Variants in TTLL5 observed in about 807,000 individuals in gnomAD.
TTLL5 encodes the protein tubulin tyrosine ligase like 5.
In TTLL5, 132 loss-of-function variants were observed where a neutral mutation model predicts 168.4. The observed-to-expected ratio is 0.78, with a 90% confidence interval of 0.68 to 0.91. The LOEUF (loss-of-function observed/expected upper bound fraction) is 0.91. Ranked by LOEUF, TTLL5 falls within the 40% of genes least tolerant of loss-of-function variation. The pLI is 0.00. For missense variants in TTLL5, 1,545 were observed against 1,581.5 expected (o/e 0.98, Z 0.39); for synonymous variants, 546 against 558.6 (o/e 0.98, Z 0.32).
chr14:75,753,706 G>A (rs1179746724), intron 18 of TTLL5, among the ~76,000 whole-genome samples: 2 of 152,102 alleles, frequency 1.3e-5, no homozygotes, highest in African/African-American at 4.8e-5. Context: ...TGGTAATTAC[G>A]ATTGATTAAT....
chr14:75,874,557 A>G (rs971413929), intron 29 of TTLL5, among the ~76,000 whole-genome samples: 1 of 152,244 alleles, frequency 6.6e-6, no homozygotes, highest in Non-Finnish European at 1.5e-5. Context: ...CAAAGGAATG[A>G]TAAGTAAATT....
chr14:75,854,815 A>G (rs980488020), intron 28 of TTLL5, among the ~76,000 whole-genome samples: 1 of 152,144 alleles, frequency 6.6e-6, no homozygotes, highest in Non-Finnish European at 1.5e-5. Flanking sequence ...GACTGTTCCA[A>G]TCTTTTACAT....
intron 28 of TTLL5, among the ~76,000 whole-genome samples, chr14:75,830,754 C>A (rs549931710): frequency 6.6e-6 from 1 of 152,198 alleles, no homozygotes; most frequent in East Asian, 1.9e-4. Flanking sequence ...TATTGTATCC[C>A]AGTGCCTTGG....
intron 6 of TTLL5, among the ~76,000 whole-genome samples, chr14:75,695,149 C>T (rs1885748133): frequency 6.6e-6 from 1 of 152,086 alleles, no homozygotes; most frequent in African/African-American, 2.4e-5. Context: ...AAGGAACAGC[C>T]CTGAGAAAGA....
chr14:75,841,547 G>C (rs1157393168), intron 28 of TTLL5, among the ~76,000 whole-genome samples: 3 of 152,066 alleles, frequency 2.0e-5, no homozygotes, highest in Non-Finnish European at 2.9e-5. Flanking sequence ...TGATTCCCTT[G>C]ATAATTTTCC....
At chr14:75,742,691 A>T (rs1889348331) in intron 15 of TTLL5, among the ~76,000 whole-genome samples, 1 of 152,174 alleles carries the variant, frequency 6.6e-6, no homozygotes, top group Non-Finnish European at 1.5e-5. Context: ...CCACCACACC[A>T]GGCTTTGCCA....
At chr14:75,937,283 ATT>A (rs59787253) in intron 31 of TTLL5, among the ~76,000 whole-genome samples, 12 of 140,010 alleles carry the variant, frequency 8.6e-5, no homozygotes, top group Non-Finnish European at 9.4e-5. Context: ...CGTCCAGCTA[ATT>A]TTTTTTTTTT....
At position 75,784,437 on chromosome 14, in the gene TTLL5, G is replaced by A. The variant is rs555335243; in HGVS notation, c.2986+907G>A. On this transcript the variant is annotated intron_variant, in intron 26 of 31. Transcript: ENST00000298832. The stretch of plus-strand genomic sequence containing the variant: ...GTAGTAGGAACTTCATTCCCTTTAT[G>A]GCTGAATAATATTCCATTGTATGGA... 2.4e-4 allele frequency among the ~76,000 whole-genome samples: 37 copies of A among 152,272 alleles called. 2 individuals are homozygous for A. In the South Asian group the frequency reaches 7.7e-3, roughly 32 times the overall value.
chr14:75,781,091 A>G (rs114782556), intron 24 of TTLL5, among the ~76,000 whole-genome samples: 233 of 152,286 alleles, frequency 1.5e-3, no homozygotes, highest in African/African-American at 5.2e-3. Flanking sequence ...TGGAATAGAG[A>G]AAAGCGTGCT....
At chr14:75,761,872 C>G (rs1402505359) in intron 18 of TTLL5, among the ~76,000 whole-genome samples, 1 of 152,080 alleles carries the variant, frequency 6.6e-6, no homozygotes, top group Non-Finnish European at 1.5e-5. Flanking sequence ...TTATTGAACT[C>G]TAGATAGTAA....
chr14:75,688,155 G>T (rs949991298), intron 5 of TTLL5, among the ~76,000 whole-genome samples: 5 of 152,156 alleles, frequency 3.3e-5, no homozygotes, highest in Admixed American at 3.3e-4. Flanking sequence ...GTAGCTTCCG[G>T]ATGGGGATTG....
In TTLL5 at chr14:75,764,988, C is replaced by T. The variant is rs985842537; in HGVS notation, c.1708+216C>T. ...TATTGAAGACTATCTGAAACACATACATTTTGGCCTTTGCTCTTATGTCAG... is the reference window on the plus strand; with the variant it reads ...TATTGAAGACTATCTGAAACACATATATTTTGGCCTTTGCTCTTATGTCAG... On this transcript the variant is annotated intron_variant, in intron 19 of 31. Transcript: ENST00000298832. Among the ~76,000 whole-genome samples the T allele has an allele frequency of 3.3e-5, 5 of 152,312 alleles. 1 individual carries two copies. The highest frequency in any genetic ancestry group is 1.2e-4 in the African/African-American group (5 of 41,564).
chr14:75,666,973 C>T (rs1202068637), intron 2 of TTLL5, among the ~76,000 whole-genome samples: 1 of 152,078 alleles, frequency 6.6e-6, no homozygotes, highest in Admixed American at 6.5e-5. Flanking sequence ...TATAAAGTCC[C>T]AATTTTCAGT....
intron 31 of TTLL5, among the ~76,000 whole-genome samples, chr14:75,917,786 G>A (rs531466811): frequency 1.4e-4 from 22 of 152,330 alleles, no homozygotes; most frequent in African/African-American, 5.3e-4. Context: ...AGCAGAGGGT[G>A]GAGCTGAAGT....
chr14:75,921,707 T>C (rs4636842), intron 31 of TTLL5, among the ~76,000 whole-genome samples: 122,418 of 152,136 alleles, frequency 0.8, 49,465 homozygotes, highest in African/African-American at 0.87. Flanking sequence ...CTTGGCAATG[T>C]GGGCTCTTTT....
At chr14:75,689,845 C>T (rs189684048) in intron 5 of TTLL5, 268 of 245,278 alleles carry the variant, frequency 1.1e-3, no homozygotes, top group Non-Finnish European at 1.6e-3. Flanking sequence ...GGAGGGTCCA[C>T]TACAGGGGGA....
chr14:75,689,474 A>T (rs1885295779), intron 5 of TTLL5: 1 of 152,270 alleles, frequency 6.6e-6, no homozygotes, highest in Non-Finnish European at 1.5e-5. Flanking sequence ...CCACTTCTAG[A>T]GAAATAAAAA....
chr14:75,933,687 T>C (rs1331408491), intron 31 of TTLL5, among the ~76,000 whole-genome samples: 3 of 152,234 alleles, frequency 2.0e-5, no homozygotes, highest in African/African-American at 4.8e-5. Context: ...ATGGACTGAA[T>C]TGTGTCCACC....
At chr14:75,690,010 C>T in intron 5 of TTLL5, 182 bp from the exon 6 acceptor site, 1 of 606,178 alleles carries the variant, frequency 1.6e-6, no homozygotes, top group East Asian at 3.7e-5. Context: ...AAAATCTGAC[C>T]AAAAAACCCA....
Sources: allele counts gnomAD v4.1 joint callset (sites outside exome capture counted in the v4.1 genomes callset), GRCh38; gene constraint gnomAD v4.1.1; transcripts MANE v1.5; gene names NCBI Gene and HGNC (gene_info 2026-07-23, HGNC 2026-07-21).